The following PSMD14 variants were observed in gnomAD, a reference collection of about 807,000 sequenced individuals.
PSMD14 encodes proteasome 26S subunit, non-ATPase 14, also known as ubiquitin C-terminal hydrolase PSMD14.
In PSMD14, 7 loss-of-function variants were observed where a neutral mutation model predicts 41.2. That is an observed-to-expected ratio of 0.17 (90% CI 0.10 to 0.32). The LOEUF is 0.32. Among genes scored for constraint, PSMD14 ranks in the 10% least tolerant of loss-of-function variants. PSMD14 has a pLI of 1.00. For synonymous variants in PSMD14, 114 were observed against 122.3 expected (o/e 0.93, Z 0.45); for missense variants, 139 against 375.6 (o/e 0.37, Z 5.21).
intron 3 of PSMD14, among the ~76,000 whole-genome samples, chr2:161,333,635 A>G (rs555450164): frequency 2.6e-5 from 4 of 152,372 alleles, no homozygotes; most frequent in African/African-American, 9.6e-5. Flanking sequence ...TCTTGTTCCT[A>G]TTCTTCTTCC....
chr2:161,338,590 T>C (rs185568360), intron 3 of PSMD14, among the ~76,000 whole-genome samples: 43 of 152,278 alleles, frequency 2.8e-4, no homozygotes, highest in Non-Finnish European at 4.9e-4. Context: ...ATAATACTTT[T>C]TGAATTTTGA....
intron 3 of PSMD14, among the ~76,000 whole-genome samples, chr2:161,360,543 TG>T (rs1429793038): frequency 1.3e-5 from 2 of 151,900 alleles, no homozygotes; most frequent in Non-Finnish European, 2.9e-5. Context: ...TCAGTAGAGA[TG>T]GGGTTTCGCC....
chr2:161,366,324 T>G (rs1683357405), intron 3 of PSMD14, among the ~76,000 whole-genome samples: 1 of 151,944 alleles, frequency 6.6e-6, no homozygotes, highest in South Asian at 2.1e-4. Context: ...TTCTAGAACC[T>G]TTTATACTTA....
chr2:161,370,661 A>T (rs1236764106), intron 6 of PSMD14, among the ~76,000 whole-genome samples: 1 of 152,176 alleles, frequency 6.6e-6, no homozygotes, highest in African/African-American at 2.4e-5. Flanking sequence ...TGCTGTGGAA[A>T]CAACTTCAAA....
At chr2:161,369,059 T>G (rs1052040630) in intron 5 of PSMD14, among the ~76,000 whole-genome samples, 2 of 151,914 alleles carry the variant, frequency 1.3e-5, no homozygotes, top group Non-Finnish European at 2.9e-5. Context: ...ATTTAAATCT[T>G]AGACTATTTA....
chr2:161,334,595 G>C lies in PSMD14; in HGVS notation c.48+15722G>C, dbSNP rs548062484. On this transcript the variant is annotated intron_variant, in intron 3 of 11. Coordinates refer to ENST00000409682, the MANE Select transcript of PSMD14 (RefSeq NM_005805.6). ...AACTGGAAGACTGTCTTTTTAAAGT[G>C]CTCCTCTGTAGAGCATTAAAGGAAG... Among the ~76,000 whole-genome samples, 4 of 152,330 alleles carry C rather than the reference G, an allele frequency of 2.6e-5. No homozygotes were observed. The South Asian group carries it at 8.3e-4, about 32-fold the overall frequency.
At chr2:161,393,057 T>C (rs1683735633) in intron 9 of PSMD14, among the ~76,000 whole-genome samples, 1 of 152,182 alleles carries the variant, frequency 6.6e-6, no homozygotes, top group Non-Finnish European at 1.5e-5. Context: ...AGTTTAGCTG[T>C]TAACCTGCCT....
rs190559957 is a variant in PSMD14 at position 161,405,356 on chromosome 2, G to A, written c.772-3481G>A. ...TTTACTTAACCCCTATGTCCCCATCGTGCTTTGTGCACACTCCTTTTTTGT... is the reference window on the plus strand; with the variant it reads ...TTTACTTAACCCCTATGTCCCCATCATGCTTTGTGCACACTCCTTTTTTGT... On this transcript the variant is annotated intron_variant, in intron 10 of 11. Transcript: ENST00000409682. Among the ~76,000 whole-genome samples, 65 of 152,206 alleles carry A rather than the reference G, an allele frequency of 4.3e-4. 1 individual carries two copies. The highest frequency in any genetic ancestry group is 1.3e-3 in the African/African-American group (55 of 41,536).
At chr2:161,368,022 T>C in intron 5 of PSMD14, 119 bp downstream of exon 5, 1 of 1,202,668 alleles carries the variant, frequency 8.3e-7, no homozygotes, top group Non-Finnish European at 1.1e-6. Flanking sequence ...AAATTAATCA[T>C]AAGTTTGATA....
At chr2:161,369,703 G>A (rs1683407069) in intron 5 of PSMD14, among the ~76,000 whole-genome samples, 1 of 152,010 alleles carries the variant, frequency 6.6e-6, no homozygotes, top group Non-Finnish European at 1.5e-5. Context: ...ACTTGAGGCT[G>A]TTTCATTATG....
At chr2:161,339,887 A>T (rs2105240998) in intron 3 of PSMD14, among the ~76,000 whole-genome samples, 1 of 152,396 alleles carries the variant, frequency 6.6e-6, no homozygotes, top group African/African-American at 2.4e-5. Flanking sequence ...ATTAAATGAA[A>T]ACATTTTCTA....
intron 7 of PSMD14, chr2:161,382,623 G>C (rs1221221676): frequency 6.6e-6 from 1 of 151,742 alleles, no homozygotes; most frequent in Admixed American, 6.6e-5. Flanking sequence ...TCAATGTATT[G>C]TGTAGGCCTT....
chr2:161,337,382 A>C (rs1682885202), intron 3 of PSMD14, among the ~76,000 whole-genome samples: 2 of 152,242 alleles, frequency 1.3e-5, no homozygotes, highest in Non-Finnish European at 2.9e-5. Context: ...GCCAGACACT[A>C]TACCAAATGC....
chr2:161,379,354 A>G (rs1239605284), intron 7 of PSMD14, among the ~76,000 whole-genome samples: 4 of 152,000 alleles, frequency 2.6e-5, no homozygotes, highest in Non-Finnish European at 5.9e-5. Context: ...GAGTGTAGAA[A>G]CACCGATCAT....
At chr2:161,360,047 A>C (rs1683267879) in intron 3 of PSMD14, among the ~76,000 whole-genome samples, 1 of 152,198 alleles carries the variant, frequency 6.6e-6, no homozygotes, top group Non-Finnish European at 1.5e-5. Context: ...AAAAATAAAC[A>C]AAAAACAAAG....
At chr2:161,318,467 C>T (rs958090818) in intron 2 of PSMD14, among the ~76,000 whole-genome samples, 13 of 152,092 alleles carry the variant, frequency 8.5e-5, no homozygotes, top group African/African-American at 2.9e-4. Flanking sequence ...GAAATTCAAT[C>T]ATACATATGA....
At chr2:161,365,408 T>A (rs1683345427) in intron 3 of PSMD14, among the ~76,000 whole-genome samples, 1 of 152,184 alleles carries the variant, frequency 6.6e-6, no homozygotes, top group Admixed American at 6.5e-5. Flanking sequence ...TAAGTACTGG[T>A]TATATATATA....
At chr2:161,341,780 A>G (rs1682965291) in intron 3 of PSMD14, among the ~76,000 whole-genome samples, 1 of 150,598 alleles carries the variant, frequency 6.6e-6, no homozygotes, top group African/African-American at 2.4e-5. Context: ...CAAAGGTTGC[A>G]GTGAGCCGAG....
At chr2:161,325,898 G>T (rs1682687874) in intron 3 of PSMD14, among the ~76,000 whole-genome samples, 1 of 152,180 alleles carries the variant, frequency 6.6e-6, no homozygotes, top group African/African-American at 2.4e-5. Context: ...CAGTGGAGAA[G>T]GAGAGGCCTG....
Sources: allele counts gnomAD v4.1 joint callset (sites outside exome capture counted in the v4.1 genomes callset), GRCh38; gene constraint gnomAD v4.1.1; transcripts MANE v1.5; gene names NCBI Gene and HGNC (gene_info 2026-07-23, HGNC 2026-07-21).